Variants in TUBGCP6 observed in about 807,000 individuals in gnomAD.
TUBGCP6 encodes tubulin gamma complex component 6, also known as gamma-tubulin complex component 6.
TUBGCP6 carries 161 observed loss-of-function variants against 175.8 expected under a neutral mutation model. That is an observed-to-expected ratio of 0.92 (90% CI 0.81 to 1.04). TUBGCP6 has a LOEUF of 1.04. Ranked by LOEUF, TUBGCP6 falls within the 50% of genes least tolerant of loss-of-function variation. TUBGCP6 has a pLI of 0.00. For missense variants in TUBGCP6, 2,572 were observed against 2,433.0 expected (o/e 1.06, Z -1.20); for synonymous variants, 1,173 against 1,030.5 (o/e 1.14, Z -2.65).
intron 1 of TUBGCP6, among the ~76,000 whole-genome samples, chr22:50,243,169 G>A (rs1365982634): frequency 2.0e-5 from 3 of 152,170 alleles, no homozygotes; most frequent in Non-Finnish European, 4.4e-5. Context: ...ACAAAAATTA[G>A]TTGGGCATGG....
rs2064521015 is a variant in TUBGCP6 at position 50,221,400 on chromosome 22, C to T, written c.2959G>A (p.Asp987Asn). Residue 987 changes from aspartate to asparagine, a missense_variant, in exon 16 of 25, where the codon GAC (aspartate) becomes AAC (asparagine). Coordinates refer to ENST00000248846, the MANE Select transcript of TUBGCP6 (RefSeq NM_020461.4). ...LGSSGLQLWE[D>N]SCGKMDACGS... ...CAGGCATCCATCTTCCCACAACTGTCCTCCCACAGCTGTAGCCCTGAGCTG... is the reference window on the plus strand; with the variant it reads ...CAGGCATCCATCTTCCCACAACTGTTCTCCCACAGCTGTAGCCCTGAGCTG... 12 of 1,606,554 alleles carry T rather than the reference C, an allele frequency of 7.5e-6. No homozygotes were observed. The highest frequency in any genetic ancestry group is 1.1e-5 in the South Asian group (1 of 90,730).
intron 24 of TUBGCP6, 44 bp downstream of exon 24, chr22:50,217,874 C>T (rs768399908): frequency 2.7e-5 from 44 of 1,606,576 alleles, no homozygotes; most frequent in South Asian, 3.3e-5. Flanking sequence ...GTGTGAGCCC[C>T]GCCCTGGCCC....
chr22:50,219,359 A>G lies in TUBGCP6; in HGVS notation c.4413T>C (p.Ala1471=), dbSNP rs1484458291. 3.8e-6 allele frequency: 6 copies of G among 1,590,336 alleles called. No homozygotes were observed. The highest frequency in any genetic ancestry group is 5.1e-6 in the Non-Finnish European group (6 of 1,169,714). Residue 1471 remains alanine (A), a synonymous_variant, in exon 19 of 25, where the codon GCT becomes GCC. Coordinates refer to ENST00000248846, the MANE Select transcript of TUBGCP6 (RefSeq NM_020461.4). ...GCGTCAGCAACTCGCTCAGCTGCAC[A>G]GCAGTCTCATCAGCGGCAGACTGGA... ...PQVQSAADET[A]VQLSELLTLP...
intron 2 of TUBGCP6, among the ~76,000 whole-genome samples, chr22:50,235,805 T>A (rs2064771880): frequency 1.3e-5 from 2 of 152,034 alleles, no homozygotes; most frequent in African/African-American, 4.8e-5. Flanking sequence ...CTGGGCGTGG[T>A]GGCGGGCATC....
intron 10 of TUBGCP6, 54 bp from the exon 11 acceptor site, chr22:50,224,646 C>G (rs2064579454): frequency 1.3e-6 from 2 of 1,582,214 alleles, no homozygotes; most frequent in South Asian, 2.2e-5. Flanking sequence ...GTGGCTCACG[C>G]CTGTAATCCT....
Position 50,220,350 on chromosome 22 carries a change from C to T in TUBGCP6, c.4009G>A (p.Gly1337Arg), listed in dbSNP as rs751773877. The T allele has an allele frequency of 1.2e-5, 19 of 1,526,986 alleles. No individual in the cohort carries two copies. In the East Asian group the frequency reaches 2.7e-4, roughly 22 times the overall value. The allele number at this position is 1,526,986 out of a possible 1,614,324, so 94.6% of individuals were successfully genotyped here. Residue 1337 changes from glycine (G) to arginine (R), a missense_variant, in exon 16 of 25, where the codon GGG becomes AGG. Gly to Arg is a moderately radical substitution (Grantham distance 125). Transcript: ENST00000248846. ...TCCCCCACGCTGATGCTCCCCTCCCCGCAGCCCGAGCTGGGGGAGGACAGA... is the reference window on the plus strand; with the variant it reads ...TCCCCCACGCTGATGCTCCCCTCCCTGCAGCCCGAGCTGGGGGAGGACAGA... ...PSLSSPSSGC[G>R]EGSISVGENV...
chr22:50,220,113 C>G, intron 16 of TUBGCP6, 98 bp from the exon 17 acceptor site: 1 of 1,552,228 alleles, frequency 6.4e-7, no homozygotes, highest in Non-Finnish European at 8.8e-7. Flanking sequence ...CTCCCATGTC[C>G]CCCACAGCAG....
intron 1 of TUBGCP6, 93 bp from the exon 2 acceptor site, chr22:50,240,460 C>T: frequency 6.9e-7 from 1 of 1,456,198 alleles, no homozygotes; most frequent in Non-Finnish European, 9.4e-7. Flanking sequence ...ATGCAAAGAC[C>T]TAACAAAATG....
rs752154749 is a variant in TUBGCP6, at chr22:50,218,757, C to T, written c.4767G>A (p.Glu1589=). The T allele has an allele frequency of 6.2e-7, 1 of 1,613,948 alleles. No individual in the cohort carries two copies. Among genetic ancestry groups the T allele is most frequent in the Admixed American group, 1.7e-5 (1 of 59,986 alleles). ...NLSLALKYLP[E]VFAPNAPDVL... is the part of the protein sequence containing the mutation. ...CATCCGGGGCGTTGGGGGCAAACAC[C>T]TCGGGCAGGTACTTGAGAGCGAGGG... Residue 1589 remains glutamate (E), a synonymous_variant, in exon 21 of 25, where the codon GAG becomes GAA. Coordinates refer to ENST00000248846, the MANE Select transcript of TUBGCP6 (RefSeq NM_020461.4).
At chr22:50,222,721 C>G (rs1211928701) in intron 13 of TUBGCP6, 129 bp from the exon 14 acceptor site, 9 of 1,347,832 alleles carry the variant, frequency 6.7e-6, no homozygotes, top group Non-Finnish European at 9.0e-6. Flanking sequence ...CTCCCCCTAC[C>G]AGGGGCTGAT....
At position 50,220,626 on chromosome 22, in the gene TUBGCP6, C is replaced by T. The variant is rs776679729; in HGVS notation, c.3733G>A (p.Val1245Met). The T allele has an allele frequency of 1.5e-5, 24 of 1,612,398 alleles. No homozygotes were observed. The highest frequency in any genetic ancestry group is 1.3e-4 in the East Asian group (6 of 44,778). The change falls in exon 16 of 25, where the codon GTG becomes ATG. Residue 1245 changes from valine to methionine, a missense_variant. Transcript: ENST00000248846. ...IRSRCNTHGH[V>M]SDASISLGEP... ...CCCAAGCTGATGCTGGCGTCGGACACGTGTCCATGGGTGTTGCACCGTGAC... is the reference window on the plus strand; with the variant it reads ...CCCAAGCTGATGCTGGCGTCGGACATGTGTCCATGGGTGTTGCACCGTGAC...
intron 7 of TUBGCP6, 86 bp downstream of exon 7, chr22:50,226,647 T>C: frequency 8.4e-7 from 1 of 1,194,450 alleles, no homozygotes; most frequent in South Asian, 1.4e-5. Flanking sequence ...ACCCCCACAT[T>C]CAGCAGGTGT....
At chr22:50,242,100 G>C (rs1299710821) in intron 1 of TUBGCP6, among the ~76,000 whole-genome samples, 2 of 151,506 alleles carry the variant, frequency 1.3e-5, no homozygotes, top group Non-Finnish European at 2.9e-5. Context: ...AGACCATCCT[G>C]GCTAACACGG....
At position 50,243,752 on chromosome 22, in the gene TUBGCP6, T is replaced by C. The variant is rs1338834708; in HGVS notation, c.708A>G (p.Pro236=). The C allele has an allele frequency of 1.2e-6, 2 of 1,613,538 alleles. No homozygotes were observed. The highest frequency in any genetic ancestry group is 3.3e-5 in the Admixed American group (2 of 60,000). ...CCAGCCCAGAGAGGTCCGCATTGTC[T>C]GGCACGGGGGGCAGGCCCAGTCGGA... ...MDVRLGLPPV[P]DNADLSGLAI... The change falls in exon 1 of 25, where the codon CCA becomes CCG. Residue 236 remains proline (P), a synonymous_variant. Coordinates refer to ENST00000248846, the MANE Select transcript of TUBGCP6 (RefSeq NM_020461.4).
rs560898289 is a variant in TUBGCP6, at chr22:50,219,227, G to A, written c.4485-18C>T. The A allele has an allele frequency of 2.4e-5, 38 of 1,611,072 alleles. No individual in the cohort carries two copies. In the African/African-American group the frequency reaches 4.8e-4, roughly 20 times the overall value. On this transcript the variant is annotated intron_variant, in intron 19 of 24. Coordinates refer to ENST00000248846, the MANE Select transcript of TUBGCP6 (RefSeq NM_020461.4). Reference sequence around the variant, plus strand: ...AGGAGATGCTGGCAGGAGGGAGCTGGAGTCAGGGCGGGCCAGGACGGGCTG... The same window carrying A: ...AGGAGATGCTGGCAGGAGGGAGCTGAAGTCAGGGCGGGCCAGGACGGGCTG...
Position 50,220,416 on chromosome 22 carries a change from GCA to G in TUBGCP6, c.3941_3942del (p.Val1314AlafsTer53). 1 of 1,605,822 alleles carries G rather than the reference GCA, an allele frequency of 6.2e-7. No homozygotes were observed. The highest frequency in any genetic ancestry group is 8.5e-7 in the Non-Finnish European group (1 of 1,176,466). ...ACAGGCAGCCGTGGCCCACAGTCCAGCACAGTGCTCTGTGCTCCCAGGCTGAG... is the reference window on the plus strand; with the variant it reads ...ACAGGCAGCCGTGGCCCACAGTCCAGCAGTGCTCTGTGCTCCCAGGCTGAG... ...SALSLGAQSTVLDCGPRLPVE... is the reference protein window; with the variant it reads ...SALSLGAQSTXLDCGPRLPVE... On this transcript the variant is annotated frameshift_variant, in exon 16 of 25. Coordinates refer to ENST00000248846, the MANE Select transcript of TUBGCP6 (RefSeq NM_020461.4). LOFTEE classifies it high-confidence loss of function.
rs186135261 is a variant in TUBGCP6 at position 50,238,694 on chromosome 22, C to G, written c.905+1510G>C. On this transcript the variant is annotated intron_variant, in intron 2 of 24. Transcript: ENST00000248846. Reference sequence around the variant, plus strand: ...CTGGGACCACAGGCACCCGCCACCACGCCTGGCTAATTTTTTGTATTTTTA... The same window carrying G: ...CTGGGACCACAGGCACCCGCCACCAGGCCTGGCTAATTTTTTGTATTTTTA... Among the ~76,000 whole-genome samples, 524 of 151,994 alleles carry G rather than the reference C, an allele frequency of 3.4e-3. 2 individuals are homozygous for G. Among genetic ancestry groups the G allele is most frequent in the Non-Finnish European group, 5.6e-3 (379 of 67,954 alleles).
At chr22:50,219,922 C>T in intron 17 of TUBGCP6, 35 bp downstream of exon 17, 1 of 1,613,296 alleles carries the variant, frequency 6.2e-7, no homozygotes, top group Non-Finnish European at 8.5e-7. Flanking sequence ...GCCCTCCCTG[C>T]CTGCTGTGGG....
chr22:50,233,794 C>A (rs896618379), intron 2 of TUBGCP6, among the ~76,000 whole-genome samples: 1 of 152,084 alleles, frequency 6.6e-6, no homozygotes, highest in East Asian at 1.9e-4. Flanking sequence ...TGGGCATGGC[C>A]GGGGGTATCC....
Sources: allele counts gnomAD v4.1 joint callset (sites outside exome capture counted in the v4.1 genomes callset), GRCh38; gene constraint gnomAD v4.1.1; transcripts MANE v1.5; gene names NCBI Gene and HGNC (gene_info 2026-07-23, HGNC 2026-07-21).